Variants in IFNGR2 observed in about 807,000 individuals in gnomAD.
IFNGR2 encodes the protein IFN-gamma receptor 2.
IFNGR2 carries 15 observed loss-of-function variants against 41.1 expected under a neutral mutation model. The observed-to-expected ratio is 0.37, with a 90% CI of 0.24 to 0.56. The LOEUF is 0.56. Ranked by LOEUF, IFNGR2 falls within the 20% of genes least tolerant of loss-of-function variation. The pLI, the probability that IFNGR2 is intolerant of heterozygous loss-of-function variation, is 0.81. For missense variants in IFNGR2, 362 were observed against 415.7 expected, an observed-to-expected ratio of 0.87 and a Z score of 1.12; for synonymous variants, 161 against 171.6, an observed-to-expected ratio of 0.94 and a Z score of 0.48.
intron 2 of IFNGR2, 72 bp from the exon 3 acceptor site, chr21:33,421,408 C>A: frequency 1.7e-6 from 2 of 1,197,522 alleles, no homozygotes; most frequent in Non-Finnish European, 1.2e-6. Flanking sequence ...GCGTTTTGAA[C>A]AAAAGCTCTG....
At chr21:33,433,597 G>A (rs1054866734) in intron 6 of IFNGR2, among the ~76,000 whole-genome samples, 4 of 152,040 alleles carry the variant, frequency 2.6e-5, no homozygotes, top group East Asian at 1.9e-4. Flanking sequence ...TGGTGGTTGC[G>A]GTGGTGGAGG....
At chr21:33,421,426 T>A (rs2083791023) in intron 2 of IFNGR2, 54 bp from the exon 3 acceptor site, 1 of 1,396,892 alleles carries the variant, frequency 7.2e-7, no homozygotes, top group Non-Finnish European at 1.0e-6. Context: ...CTGGGGAAAC[T>A]ATTACACATG....
chr21:33,436,063 A>G (rs1463692426), intron 6 of IFNGR2, among the ~76,000 whole-genome samples: 4 of 151,906 alleles, frequency 2.6e-5, no homozygotes, highest in Non-Finnish European at 5.9e-5. Context: ...ACTCAACAAC[A>G]ATAAAAAATT....
intron 3 of IFNGR2, among the ~76,000 whole-genome samples, chr21:33,425,584 A>C (rs1323827244): frequency 6.6e-6 from 1 of 152,232 alleles, no homozygotes; most frequent in Non-Finnish European, 1.5e-5. Flanking sequence ...AGCTGGGACA[A>C]GGGAAGCTGG....
In IFNGR2 at chr21:33,421,691, A is replaced by G; in HGVS notation, c.412+6A>G. ...GTTTCAACACTATCGGAATGGTAAG[A>G]GAACTTGAGTATAGAACTTCCTTTA... On this transcript the variant is annotated splice_donor_region_variant and intron_variant, in intron 3 of 6. Transcript: ENST00000290219. The G allele has an allele frequency of 3.1e-6, 5 of 1,607,674 alleles. No homozygotes were observed. Among genetic ancestry groups the G allele is most frequent in the Non-Finnish European group, 3.4e-6 (4 of 1,174,062 alleles).
At chr21:33,417,068 C>T (rs1296817800) in intron 2 of IFNGR2, among the ~76,000 whole-genome samples, 54 of 151,078 alleles carry the variant, frequency 3.6e-4, no homozygotes, top group Admixed American at 3.5e-3. Flanking sequence ...TACAAGTGTG[C>T]ACCACCCCAC....
chr21:33,421,170 A>G (rs1485541991), intron 2 of IFNGR2, among the ~76,000 whole-genome samples: 6 of 152,104 alleles, frequency 3.9e-5, no homozygotes, highest in Non-Finnish European at 7.4e-5. Context: ...CATCTCTACT[A>G]AAAATACAAA....
intron 6 of IFNGR2, among the ~76,000 whole-genome samples, chr21:33,435,698 C>A (rs953099615): frequency 1.3e-5 from 2 of 151,650 alleles, no homozygotes; most frequent in African/African-American, 4.8e-5. Context: ...TCCTGGCCAA[C>A]AGGGTGAAAC....
intron 3 of IFNGR2, among the ~76,000 whole-genome samples, chr21:33,425,963 G>C (rs2083832482): frequency 6.6e-6 from 1 of 152,214 alleles, no homozygotes; most frequent in Non-Finnish European, 1.5e-5. Flanking sequence ...TTTGATCTGA[G>C]TTTCTCTGGT....
chr21:33,403,183 C>T (rs2083652314), upstream of IFNGR2: 1 of 152,716 alleles, frequency 6.5e-6, no homozygotes, highest in South Asian at 2.1e-4. Flanking sequence ...ATCGCGGCCC[C>T]CGAAGGTGGG....
At chr21:33,434,427 CAGG>C (rs1273126335) in intron 6 of IFNGR2, among the ~76,000 whole-genome samples, 5 of 152,254 alleles carry the variant, frequency 3.3e-5, no homozygotes, top group African/African-American at 1.2e-4. Context: ...GAGGCTGAGG[CAGG>C]AGAATTGCTT....
At chr21:33,433,184 C>A (rs1036419209) in intron 6 of IFNGR2, among the ~76,000 whole-genome samples, 5 of 152,114 alleles carry the variant, frequency 3.3e-5, no homozygotes, top group Non-Finnish European at 5.9e-5. Flanking sequence ...CTGCGCCCGG[C>A]CACGCAGACA....
At chr21:33,433,310 A>C (rs1237835902) in intron 6 of IFNGR2, among the ~76,000 whole-genome samples, 1 of 152,156 alleles carries the variant, frequency 6.6e-6, no homozygotes, top group East Asian at 1.9e-4. Flanking sequence ...TTGTTTGTAC[A>C]CCCATGTTCA....
intron 4 of IFNGR2, 41 bp downstream of exon 4, chr21:33,427,073 T>G: frequency 6.3e-7 from 1 of 1,575,554 alleles, no homozygotes; most frequent in Non-Finnish European, 8.7e-7. Flanking sequence ...TTCTTTTCTT[T>G]GCAGTTTCTG....
intron 3 of IFNGR2, among the ~76,000 whole-genome samples, chr21:33,423,694 G>A (rs926200766): frequency 2.6e-5 from 4 of 152,002 alleles, no homozygotes; most frequent in South Asian, 2.1e-4. Context: ...GAGAGCCACC[G>A]TGCCCGGCCA....
chr21:33,432,543 G>A (rs2083899119), intron 5 of IFNGR2, 171 bp from the exon 6 acceptor site: 6 of 875,436 alleles, frequency 6.9e-6, no homozygotes, highest in African/African-American at 1.7e-5. Flanking sequence ...TTTCATTACA[G>A]GATTGACTTT....
rs528244155 is a variant in IFNGR2 at position 33,408,059 on chromosome 21, C to T, written c.73+4443C>T. 2.5e-3 allele frequency among the ~76,000 whole-genome samples: 386 copies of T among 151,992 alleles called. 1 individual carries two copies. The highest frequency in any genetic ancestry group is 4.3e-3 in the Non-Finnish European group (295 of 67,986). ...TGACTTTCATCATAATGTCCCCGCC[C>T]CCAATAGAAAGATCCTAAAGGGTCA... On this transcript the variant is annotated intron_variant, in intron 1 of 6. Coordinates refer to ENST00000290219, the MANE Select transcript of IFNGR2 (RefSeq NM_005534.4).
intron 3 of IFNGR2, among the ~76,000 whole-genome samples, chr21:33,425,979 A>T (rs1389957794): frequency 6.6e-6 from 1 of 152,250 alleles, no homozygotes; most frequent in Non-Finnish European, 1.5e-5. Context: ...CTGGTGAATT[A>T]TACAATGTGC....
In IFNGR2 at chr21:33,435,568, G is replaced by A. The variant is rs528180520; in HGVS notation, c.880-1260G>A. 3.4e-3 allele frequency among the ~76,000 whole-genome samples: 519 copies of A among 152,268 alleles called. 3 individuals are homozygous for A. Among genetic ancestry groups the A allele is most frequent in the Non-Finnish European group, 4.6e-3 (313 of 68,012 alleles). On this transcript the variant is annotated intron_variant, in intron 6 of 6. Coordinates refer to ENST00000290219, the MANE Select transcript of IFNGR2 (RefSeq NM_005534.4). Reference sequence around the variant, plus strand: ...TGAGTATTAAAGTGATTACTGAGATGAGGGGTAAGGAGTATTCAACTATTA... The same window carrying A: ...TGAGTATTAAAGTGATTACTGAGATAAGGGGTAAGGAGTATTCAACTATTA...
Sources: allele counts gnomAD v4.1 joint callset (sites outside exome capture counted in the v4.1 genomes callset), GRCh38; gene constraint gnomAD v4.1.1; transcripts MANE v1.5; gene names NCBI Gene and HGNC (gene_info 2026-07-23, HGNC 2026-07-21).